Variants in SCAP observed in about 807,000 individuals in gnomAD.
SCAP encodes sterol regulatory element-binding protein cleavage-activating protein.
Under a neutral mutation model 123.6 loss-of-function variants are expected in SCAP, and 65 were observed. That is an observed-to-expected ratio of 0.53 (90% CI 0.43 to 0.65). SCAP has a LOEUF of 0.65. Ranked by LOEUF, SCAP falls within the 30% of genes least tolerant of loss-of-function variation. The pLI, the probability that SCAP is intolerant of heterozygous loss-of-function variation, is 0.00. For synonymous variants in SCAP, 740 were observed against 726.3 expected (o/e 1.02, Z -0.30); for missense variants, 1,398 against 1,712.5 (o/e 0.82, Z 3.24).
Position 47,418,127 on chromosome 3 carries a change from C to T in SCAP, c.2447+7G>A, listed in dbSNP as rs1197186208. ...GGCACAAAGGAGGAAAGGGCAGCCG[C>T]ACCTACCCTGGGCGCGGAATGCGCG... On this transcript the variant is annotated splice_region_variant and intron_variant, in intron 16 of 22. Transcript: ENST00000265565. 5 of 1,550,590 alleles carry T rather than the reference C, an allele frequency of 3.2e-6. No individual in the cohort carries two copies. In the Admixed American group the frequency reaches 9.7e-5, roughly 30 times the overall value.
rs752304672 is a variant in SCAP at position 47,418,694 on chromosome 3, G to A, written c.2090C>T (p.Pro697Leu). Residue 697 changes from proline (P) to leucine (L), a missense_variant, in exon 14 of 23, where the codon CCA (proline) becomes CTA (leucine). Pro to Leu is a moderately conservative substitution (Grantham distance 98). Transcript: ENST00000265565. The part of the protein sequence containing the change: ...AGHWEAGPKG[P>L]GGVQAHGDVT... The stretch of plus-strand genomic sequence containing the variant: ...GTCTCCATGGGCCTGCACCCCACCT[G>A]GGCCCTTGGGTCCTGCTTCCCAGTG... 6.7e-7 allele frequency: 1 copy of A among 1,490,840 alleles called. No homozygotes were observed. Among genetic ancestry groups the A allele is most frequent in the South Asian group, 1.1e-5 (1 of 89,066 alleles). 92.4% of individuals were successfully genotyped at this position (1,490,840 alleles called of 1,614,324 possible). A position where few individuals can be genotyped will look rare whatever the true frequency, so the allele number is the denominator to read the frequency against.
In SCAP at chr3:47,414,871, C is replaced by T. The variant is rs372311997; in HGVS notation, c.3262G>A (p.Ala1088Thr). ...CTCCCAGTCACCAAGCGCCCAGCAG[C>T]GGCTTTCAGGGCTGTGATGGGTTTT... ...HQKPITALKA[A>T]AGRLVTGSQD... Residue 1088 changes from alanine to threonine, a missense_variant, in exon 20 of 23, where the codon GCT becomes ACT. This residue lies in a region of SCAP where 44 missense variants were observed against 64.4 expected (regional missense o/e 0.68). Transcript: ENST00000265565. 16 of 1,611,822 alleles carry T rather than the reference C, an allele frequency of 9.9e-6. No individual in the cohort carries two copies. The highest frequency in any genetic ancestry group is 1.3e-5 in the African/African-American group (1 of 74,902).
At chr3:47,454,545 G>A (rs1707343927) in intron 1 of SCAP, among the ~76,000 whole-genome samples, 1 of 151,188 alleles carries the variant, frequency 6.6e-6, no homozygotes, top group South Asian at 2.1e-4. Context: ...TGGCCAACAA[G>A]GTGAAACCCC....
At chr3:47,476,462 T>C (rs1708275062), upstream of SCAP, among the ~76,000 whole-genome samples, 1 of 152,112 alleles carries the variant, frequency 6.6e-6, no homozygotes, top group South Asian at 2.1e-4. Flanking sequence ...TGTTTTATAA[T>C]GGCAAAAAAT....
chr3:47,445,051 C>A (rs1706975951), intron 1 of SCAP, among the ~76,000 whole-genome samples: 2 of 152,098 alleles, frequency 1.3e-5, no homozygotes, highest in Admixed American at 1.3e-4. Flanking sequence ...GGATTACAGG[C>A]ATGAGGCACC....
rs1705741060 is a variant in SCAP, at chr3:47,418,489, G to C, written c.2163C>G (p.Val721=). 1 of 1,599,886 alleles carries C rather than the reference G, an allele frequency of 6.3e-7. No individual in the cohort carries two copies. The highest frequency in any genetic ancestry group is 1.3e-5 in the African/African-American group (1 of 74,866). ...AGAGGCAGAGCAGCAGCAGCACCAA[G>C]ACGATGCCGGTGGCCAGGCCCAGCG... ...VAALGLATGI[V]LVLLLLCLYR... is the part of the protein sequence containing the mutation. Residue 721 remains valine, a synonymous_variant, in exon 15 of 23, where the codon GTC becomes GTG. Coordinates refer to ENST00000265565, the MANE Select transcript of SCAP (RefSeq NM_012235.4).
chr3:47,466,511 T>G (rs141033707), intron 1 of SCAP, among the ~76,000 whole-genome samples: 2 of 152,264 alleles, frequency 1.3e-5, no homozygotes, highest in African/African-American at 4.8e-5. Context: ...TATAATCAAC[T>G]GATTTTTGAC....
intron 9 of SCAP, chr3:47,422,796 G>A: frequency 2.8e-6 from 1 of 359,380 alleles, no homozygotes; most frequent in East Asian, 4.4e-5. Flanking sequence ...CATCAAAAGA[G>A]GGAAGAAGCA....
chr3:47,472,830 C>A (rs534201169), intron 1 of SCAP, among the ~76,000 whole-genome samples: 1 of 152,202 alleles, frequency 6.6e-6, no homozygotes, highest in South Asian at 2.1e-4. Flanking sequence ...CCTGTAATCC[C>A]AGCACTTTGG....
chr3:47,472,162 G>A (rs1449118702), intron 1 of SCAP, among the ~76,000 whole-genome samples: 2 of 152,054 alleles, frequency 1.3e-5, no homozygotes, highest in Non-Finnish European at 2.9e-5. Context: ...GGCCGGGCGC[G>A]GTGGCTCACG....
rs1343414700 is a variant in SCAP, at chr3:47,419,814, G to A, written c.1564-110C>T. 1.8e-5 allele frequency: 23 copies of A among 1,310,520 alleles called. No homozygotes were observed. The East Asian group carries it at 5.3e-4, about 30-fold the overall frequency. 81.2% of individuals were successfully genotyped at this position (1,310,520 alleles called of 1,614,324 possible). A position where few individuals can be genotyped will look rare whatever the true frequency, so the allele number is the denominator to read the frequency against. On this transcript the variant is annotated intron_variant, in intron 12 of 22. Transcript: ENST00000265565. This position sits in a 1 kb window ranked among gnomAD's most constrained non-coding sequence, Gnocchi z 5.0. Reference sequence around the variant, plus strand: ...CAGGGACCTCAGGCCTGGGGATGGAGAGAGGACACAGGCCCCACTGCGTCC... The same window carrying A: ...CAGGGACCTCAGGCCTGGGGATGGAAAGAGGACACAGGCCCCACTGCGTCC...
chr3:47,437,327 TACTCAG>T (rs1315449739), intron 2 of SCAP, among the ~76,000 whole-genome samples: 1 of 141,480 alleles, frequency 7.1e-6, no homozygotes, highest in Non-Finnish European at 1.5e-5. Context: ...TAATCCCAGC[TACTCAG>T]AAGGCTGAGG....
intron 1 of SCAP, among the ~76,000 whole-genome samples, chr3:47,468,557 A>G (rs1260393034): frequency 1.3e-5 from 2 of 151,976 alleles, no homozygotes; most frequent in Non-Finnish European, 2.9e-5. Flanking sequence ...CCACTTTTTG[A>G]TAGGGTTGTT....
At chr3:47,455,696 T>G (rs1707399072) in intron 1 of SCAP, among the ~76,000 whole-genome samples, 1 of 150,902 alleles carries the variant, frequency 6.6e-6, no homozygotes, top group Non-Finnish European at 1.5e-5. Flanking sequence ...ACATTCTTAA[T>G]GAGGAAAAGT....
At chr3:47,462,597 C>CA (rs1341482585) in intron 1 of SCAP, among the ~76,000 whole-genome samples, 2 of 151,704 alleles carry the variant, frequency 1.3e-5, no homozygotes, top group African/African-American at 4.8e-5. Flanking sequence ...ACTAAAAATA[C>CA]AAAAAATTAG....
intron 1 of SCAP, among the ~76,000 whole-genome samples, chr3:47,469,367 TTTTG>T (rs550563257): frequency 1.4e-3 from 213 of 152,222 alleles, no homozygotes; most frequent in African/African-American, 4.4e-3. Flanking sequence ...ACCAAATAAT[TTTTG>T]TTTGTTTGTT....
At chr3:47,458,434 AAAT>A (rs1463169047) in intron 1 of SCAP, among the ~76,000 whole-genome samples, 2 of 152,212 alleles carry the variant, frequency 1.3e-5, no homozygotes, top group African/African-American at 4.8e-5. Flanking sequence ...TGTCTCAAAA[AAAT>A]AATAATAATT....
intron 1 of SCAP, among the ~76,000 whole-genome samples, chr3:47,458,500 CA>C (rs1171030121): frequency 6.6e-6 from 1 of 152,122 alleles, no homozygotes; most frequent in Non-Finnish European, 1.5e-5. Flanking sequence ...AAGCTGATTT[CA>C]GAGAATTTAA....
intron 7 of SCAP, 45 bp downstream of exon 7, chr3:47,425,952 C>T (rs777569596): frequency 5.0e-6 from 8 of 1,607,162 alleles, no homozygotes; most frequent in African/African-American, 1.3e-5. Context: ...TGGAAATGCC[C>T]GTTTAGCTTG....
Sources: gnomAD v4.1 joint callset for allele counts (sites outside exome capture counted in the v4.1 genomes callset) on GRCh38, gnomAD v4.1.1 for gene constraint, gnomAD v4.1.1 regional missense constraint, Gnocchi (gnomAD v3.1) non-coding constraint, MANE v1.5 for transcripts, NCBI Gene and HGNC (gene_info 2026-07-23, HGNC 2026-07-21) for gene names.